Variants in CLECL1 observed in about 807,000 individuals in gnomAD.
CLECL1 encodes the protein C-type lectin-like domain family 1.
chr12:9,733,128 G>A (rs564859966), upstream of CLECL1: 41 of 1,613,690 alleles, frequency 2.5e-5, no homozygotes, highest in Non-Finnish European at 3.2e-5. Context: ...AATTGAGATG[G>A]CAAATTTCCT....
downstream of CLECL1, among the ~76,000 whole-genome samples, chr12:9,712,486 A>G (rs1866206796): frequency 2.0e-5 from 3 of 152,228 alleles, no homozygotes; most frequent in South Asian, 2.1e-4. Context: ...GAACAATGCA[A>G]TCTACAAATG....
downstream of CLECL1, among the ~76,000 whole-genome samples, chr12:9,713,044 T>C (rs1204433939): frequency 6.6e-6 from 1 of 152,236 alleles, no homozygotes; most frequent in Non-Finnish European, 1.5e-5. Flanking sequence ...GCTCCCCGAA[T>C]GCACAATTTC....
exon 2 of CLECL1, among the ~76,000 whole-genome samples, chr12:9,729,671 G>A (rs748706103): frequency 6.6e-6 from 1 of 152,116 alleles, no homozygotes; most frequent in African/African-American, 2.4e-5. Context: ...CCATGGTGGT[G>A]AGAATCTACA....
intron 1 of CLECL1, among the ~76,000 whole-genome samples, chr12:9,731,651 T>G (rs1866448822): frequency 6.6e-6 from 1 of 152,234 alleles, no homozygotes; most frequent in Non-Finnish European, 1.5e-5. Flanking sequence ...ATATTTGACT[T>G]CTGGTCATAA....
intron 3 of CLECL1, among the ~76,000 whole-genome samples, chr12:9,726,150 A>G (rs1866376793): frequency 6.6e-6 from 1 of 152,044 alleles, no homozygotes; most frequent in Non-Finnish European, 1.5e-5. Flanking sequence ...CCAACATATC[A>G]ATAGGAAATA....
At chr12:9,707,473 C>G in the CLECL1 span, among the ~76,000 whole-genome samples, 58,763 of 151,888 alleles carry the variant, frequency 0.39, 12,577 homozygotes, top group East Asian at 0.59. Context: ...AAATGATATG[C>G]AGTGGGGGAA....
chr12:9,717,372 G>A (rs949089265), intron 2 of CLECL1, among the ~76,000 whole-genome samples: 1 of 152,196 alleles, frequency 6.6e-6, no homozygotes, highest in Non-Finnish European at 1.5e-5. Context: ...TATGTTCTAA[G>A]ACAGGTTTTC....
At chr12:9,709,050 A>G in the CLECL1 span, 1 of 167,946 alleles carries the variant, frequency 6.0e-6, no homozygotes, top group African/African-American at 2.4e-5. Flanking sequence ...GGAAGGAACC[A>G]TTCATTTCAA....
intron 1 of CLECL1, among the ~76,000 whole-genome samples, chr12:9,732,315 C>T (rs1022413878): frequency 2.6e-5 from 4 of 152,098 alleles, no homozygotes; most frequent in African/African-American, 9.7e-5. Context: ...GAGAAATTTC[C>T]TTAATACTTC....
chr12:9,710,680 G>A, the CLECL1 span, among the ~76,000 whole-genome samples: 9 of 152,304 alleles, frequency 5.9e-5, no homozygotes, highest in South Asian at 2.1e-4. Flanking sequence ...GCACATCAGC[G>A]GAGGAACACA....
At chr12:9,718,726 A>G (rs1247862852), downstream of CLECL1, 3 of 701,688 alleles carry the variant, frequency 4.3e-6, no homozygotes, top group Non-Finnish European at 7.8e-6. Flanking sequence ...TCAGAGATGT[A>G]CACACATTGA....
the CLECL1 span, among the ~76,000 whole-genome samples, chr12:9,710,228 T>A: frequency 1.3e-5 from 2 of 152,180 alleles, no homozygotes; most frequent in South Asian, 4.1e-4. Context: ...AAACTTGTTT[T>A]TTCTCTCATG....
downstream of CLECL1, among the ~76,000 whole-genome samples, chr12:9,719,128 C>G (rs11835594): frequency 0.25 from 38,043 of 152,096 alleles, 6,703 homozygotes; most frequent in African/African-American, 0.5. Flanking sequence ...TTAATGTGGG[C>G]TTTGAGTTAA....
intron 2 of CLECL1, among the ~76,000 whole-genome samples, chr12:9,727,689 A>G (rs1001416936): frequency 2.6e-5 from 4 of 151,998 alleles, no homozygotes; most frequent in Non-Finnish European, 5.9e-5. Flanking sequence ...AACTAATGAA[A>G]GAAGAAACAT....
At chr12:9,706,419 A>G in the CLECL1 span, among the ~76,000 whole-genome samples, 1 of 152,204 alleles carries the variant, frequency 6.6e-6, no homozygotes. Flanking sequence ...GAGAGAGGTT[A>G]TCCTTGTCTT....
downstream of CLECL1, among the ~76,000 whole-genome samples, chr12:9,711,646 T>A (rs1473180081): frequency 7.2e-5 from 11 of 152,066 alleles, no homozygotes; most frequent in South Asian, 1.0e-3. Context: ...ATTATTATTT[T>A]TTTTTTTTGC....
At chr12:9,713,192 A>G (rs1276522340), downstream of CLECL1, among the ~76,000 whole-genome samples, 4 of 152,226 alleles carry the variant, frequency 2.6e-5, no homozygotes, top group Admixed American at 1.3e-4. Context: ...GAGTTTCACA[A>G]TGTTCTTCTA....
At chr12:9,706,540 G>T in the CLECL1 span, among the ~76,000 whole-genome samples, 1 of 152,076 alleles carries the variant, frequency 6.6e-6, no homozygotes. Context: ...TAAACACCAG[G>T]TAGATTGAGA....
At chr12:9,718,768 T>C (rs2121041730), downstream of CLECL1, 3 of 700,476 alleles carry the variant, frequency 4.3e-6, no homozygotes, top group East Asian at 2.7e-5. Flanking sequence ...AGCAAAAAGG[T>C]GATCAGCTGA....
Sources: gnomAD v4.1 joint callset for allele counts (sites outside exome capture counted in the v4.1 genomes callset) on GRCh38, gnomAD v4.1.1 for gene constraint, MANE v1.5 for transcripts, NCBI Gene and HGNC (gene_info 2026-07-23, HGNC 2026-07-21) for gene names.